GLIS3: variants seen among roughly 807,000 people sequenced by gnomAD.
GLIS3 encodes the protein zinc finger protein GLIS3.
Under a neutral mutation model 78.6 loss-of-function variants are expected in GLIS3, and 53 were observed. That is an observed-to-expected ratio of 0.67 (90% CI 0.54 to 0.85). The LOEUF is 0.85. GLIS3 is among the 40% of genes least tolerant of loss of function. The probability of loss-of-function intolerance (pLI) is 0.00; values close to 1 mark genes in which losing one functional copy is unlikely to be tolerated. For synonymous variants in GLIS3, 684 were observed against 509.9 expected (o/e 1.34, Z -4.60); for missense variants, 1,703 against 1,231.1 (o/e 1.38, Z -5.74).
intron 4 of GLIS3, among the ~76,000 whole-genome samples, chr9:3,973,006 G>T (rs1283746235): frequency 1.3e-5 from 2 of 152,098 alleles, no homozygotes; most frequent in Non-Finnish European, 2.9e-5. Context: ...GTGGTGGGGG[G>T]TTCCTCAAAA....
intron 4 of GLIS3, among the ~76,000 whole-genome samples, chr9:4,306,772 C>T (rs1028906429): frequency 6.6e-6 from 1 of 152,178 alleles, no homozygotes; most frequent in Admixed American, 6.5e-5. Context: ...ATCCTCCCCA[C>T]CCCCATGCTT....
At chr9:4,155,135 T>C (rs559660514) in intron 2 of GLIS3, among the ~76,000 whole-genome samples, 18 of 152,204 alleles carry the variant, frequency 1.2e-4, no homozygotes, top group Non-Finnish European at 1.8e-4. Flanking sequence ...CTTTTTTCGG[T>C]ATTTAAAAAA....
the GLIS3 span, among the ~76,000 whole-genome samples, chr9:4,462,433 G>C: frequency 2.6e-5 from 4 of 152,192 alleles, no homozygotes; most frequent in South Asian, 8.3e-4. Context: ...CTGCATTCTA[G>C]GATTCTACCA....
At chr9:4,408,608 TC>T in the GLIS3 span, among the ~76,000 whole-genome samples, 1 of 146,424 alleles carries the variant, frequency 6.8e-6, no homozygotes, top group East Asian at 2.0e-4. Context: ...GCGCCTGTAG[TC>T]CCAGGTACTC....
chr9:4,330,702 T>TGAAGAGAG (rs1425907291), intron 2 of GLIS3, among the ~76,000 whole-genome samples: 1 of 151,564 alleles, frequency 6.6e-6, no homozygotes, highest in East Asian at 1.9e-4. Context: ...GAGATGGAGA[T>TGAAGAGAG]GAAGAGAGGT....
chr9:4,431,736 C>T, the GLIS3 span, among the ~76,000 whole-genome samples: 2 of 150,804 alleles, frequency 1.3e-5, no homozygotes, highest in East Asian at 2.0e-4. Context: ...CCAAGCTACT[C>T]AGGAAGCTGA....
chr9:3,963,722 T>C (rs1408016835), intron 4 of GLIS3, among the ~76,000 whole-genome samples: 4 of 151,942 alleles, frequency 2.6e-5, no homozygotes, highest in African/African-American at 9.7e-5. Context: ...ACAGATTGGG[T>C]TCATTGCCAA....
chr9:3,954,725 A>C (rs1349997282), intron 4 of GLIS3, among the ~76,000 whole-genome samples: 1 of 152,240 alleles, frequency 6.6e-6, no homozygotes, highest in Non-Finnish European at 1.5e-5. Context: ...TAAAGGAAGG[A>C]TTAAGCTCTG....
chr9:4,343,411 A>G (rs1256177464), intron 2 of GLIS3, among the ~76,000 whole-genome samples: 1 of 152,224 alleles, frequency 6.6e-6, no homozygotes. Context: ...AAGGTAAAAA[A>G]ATAACATGCT....
Position 4,053,208 on chromosome 9 carries a change from CA to C in GLIS3, c.1710+64559del, listed in dbSNP as rs553038614. Among the ~76,000 whole-genome samples, 483 of 152,252 alleles carry C rather than the reference CA, an allele frequency of 3.2e-3. 3 individuals carry two copies. Among genetic ancestry groups the C allele is most frequent in the African/African-American group, 0.011 (456 of 41,558 alleles). ...CAGCAATCCACTTGCCTTGGCCTCCCAAAGGGCTATGATTACAGGCGTGAGC... is the reference window on the plus strand; with the variant it reads ...CAGCAATCCACTTGCCTTGGCCTCCCAAGGGCTATGATTACAGGCGTGAGC... On this transcript the variant is annotated intron_variant, in intron 4 of 10. Transcript: ENST00000381971.
At chr9:4,224,997 T>C (rs541070286) in intron 2 of GLIS3, among the ~76,000 whole-genome samples, 81 of 152,054 alleles carry the variant, frequency 5.3e-4, no homozygotes, top group African/African-American at 1.9e-3. Flanking sequence ...TTTATATAGA[T>C]CTTCCTACTA....
intron 2 of GLIS3, among the ~76,000 whole-genome samples, chr9:4,162,896 A>T (rs1343547081): frequency 2.7e-5 from 4 of 148,084 alleles, no homozygotes; most frequent in African/African-American, 7.4e-5. Flanking sequence ...TCGCCAACAG[A>T]TCCATCCATG....
chr9:4,038,617 G>A (rs1422503491), intron 4 of GLIS3, among the ~76,000 whole-genome samples: 1 of 152,188 alleles, frequency 6.6e-6, no homozygotes, highest in East Asian at 1.9e-4. Flanking sequence ...CCTGAAAGCA[G>A]GCATGAGAAT....
At chr9:3,944,296 G>C (rs758158147) in intron 4 of GLIS3, among the ~76,000 whole-genome samples, 3 of 152,158 alleles carry the variant, frequency 2.0e-5, no homozygotes, top group Non-Finnish European at 4.4e-5. Context: ...TCAAGTGTCT[G>C]GTTTGTAACA....
the GLIS3 span, among the ~76,000 whole-genome samples, chr9:4,383,540 G>C: frequency 1.3e-5 from 2 of 152,130 alleles, no homozygotes; most frequent in African/African-American, 4.8e-5. Flanking sequence ...AACAGCATGT[G>C]CTCCAAAAGC....
chr9:3,881,562 T>C (rs932435990), intron 7 of GLIS3, among the ~76,000 whole-genome samples: 6 of 152,100 alleles, frequency 3.9e-5, no homozygotes, highest in African/African-American at 1.4e-4. Context: ...GGCTGGGAAA[T>C]TGGGGATTGT....
chr9:4,464,577 T>G, the GLIS3 span, among the ~76,000 whole-genome samples: 881 of 152,066 alleles, frequency 5.8e-3, 7 homozygotes, highest in Non-Finnish European at 9.7e-3. Context: ...GTATTTTTAG[T>G]AGAGGCGGGA....
At position 4,118,906 on chromosome 9, in the gene GLIS3, A is replaced by G. The variant is rs766711976; in HGVS notation, c.597-25T>C. The G allele has an allele frequency of 3.9e-6, 6 of 1,522,282 alleles. No homozygotes were observed. In the East Asian group the frequency reaches 1.2e-4, roughly 29 times the overall value. 94.3% of individuals were successfully genotyped at this position (1,522,282 alleles called of 1,614,324 possible). A position where few individuals can be genotyped will look rare whatever the true frequency, so the allele number is the denominator to read the frequency against. On this transcript the variant is annotated intron_variant, in intron 3 of 10. Transcript: ENST00000381971. The surrounding 1 kb of genome is among the most constrained non-coding windows in gnomAD (Gnocchi z 4.7). ...CCTGGAACAGCAGCCAGAAAGGAAG[A>G]AAAAAAAAAGATAAACATTTTAGCA...
intron 4 of GLIS3, among the ~76,000 whole-genome samples, chr9:4,068,167 C>A (rs1441339517): frequency 6.6e-6 from 1 of 152,010 alleles, no homozygotes; most frequent in African/African-American, 2.4e-5. Context: ...ATGTCATTTG[C>A]AAGACTGTAA....
Sources: gnomAD v4.1 joint callset for allele counts (sites outside exome capture counted in the v4.1 genomes callset) on GRCh38, gnomAD v4.1.1 for gene constraint, Gnocchi (gnomAD v3.1) non-coding constraint, MANE v1.5 for transcripts, NCBI Gene and HGNC (gene_info 2026-07-23, HGNC 2026-07-21) for gene names.